Variants in KCTD13 observed in about 807,000 individuals in gnomAD.
KCTD13 encodes the protein potassium channel tetramerization domain containing 13, also known as BTB/POZ domain-containing adapter for CUL3-mediated RhoA degradation protein 1.
A neutral mutation model predicts 32.3 loss-of-function variants in KCTD13; 15 were observed. That is an observed-to-expected ratio of 0.46 (90% CI 0.31 to 0.71). The LOEUF (loss-of-function observed/expected upper bound fraction) is 0.71. Ranked by LOEUF, KCTD13 falls within the 30% of genes least tolerant of loss-of-function variation. KCTD13 has a pLI of 0.05. For missense variants in KCTD13, 337 were observed against 452.6 expected, an observed-to-expected ratio of 0.74 and a Z score of 2.32; for synonymous variants, 189 against 200.1, an observed-to-expected ratio of 0.94 and a Z score of 0.47.
At chr16:29,923,443 G>C in intron 1 of KCTD13, 84 bp from the exon 2 acceptor site, 4 of 1,197,872 alleles carry the variant, frequency 3.3e-6, no homozygotes, top group South Asian at 3.0e-5. Flanking sequence ...TTTTTGTAGA[G>C]ATGGAGTCTC....
At chr16:29,920,978 G>T (rs1047921420) in intron 2 of KCTD13, 5 of 152,144 alleles carry the variant, frequency 3.3e-5, no homozygotes, top group African/African-American at 1.2e-4. Context: ...GAACTGGAAG[G>T]CAATCTAGGT....
chr16:29,907,133 C>T, intron 5 of KCTD13, 25 bp from the exon 6 acceptor site: 6 of 1,539,208 alleles, frequency 3.9e-6, no homozygotes, highest in Non-Finnish European at 5.4e-6. Flanking sequence ...CCGGCCCCAG[C>T]TCCTTCCTTC....
At chr16:29,918,544 C>A (rs932579863) in intron 2 of KCTD13, among the ~76,000 whole-genome samples, 1 of 152,184 alleles carries the variant, frequency 6.6e-6, no homozygotes, top group Admixed American at 6.5e-5. Flanking sequence ...AACCTTGACT[C>A]ACTGCAACCT....
In KCTD13 at chr16:29,923,238, G is replaced by A; in HGVS notation, c.366C>T (p.Arg122=). 6.2e-7 allele frequency: 1 copy of A among 1,614,214 alleles called. No homozygotes were observed. The highest frequency in any genetic ancestry group is 8.5e-7 in the Non-Finnish European group (1 of 1,180,044). The change falls in exon 2 of 6, where the codon CGC becomes CGT. Residue 122 remains arginine, a synonymous_variant. Transcript: ENST00000568000. ...CAATCAGGCCCTGCACCAGGTAGTA[G>A]CGTGCTTCGCCCAGCAGCTCCCCCA... is the stretch of plus-strand genomic sequence containing the variant. ...RELGELLGEA[R]YYLVQGLIED... is the part of the protein sequence containing the mutation.
In KCTD13 at chr16:29,912,034, G is replaced by C; in HGVS notation, c.430C>G (p.Leu144Val). 1 of 1,608,104 alleles carries C rather than the reference G, an allele frequency of 6.2e-7. No individual in the cohort carries two copies. ...QLALQQKRET[L>V]SPLCLIPMVT... Reference sequence around the variant, plus strand: ...ATGGGGATGAGGCACAGCGGGGACAGCGTCTCCCTTTTTTGCTGGGGAAGA... The same window carrying C: ...ATGGGGATGAGGCACAGCGGGGACACCGTCTCCCTTTTTTGCTGGGGAAGA... Residue 144 changes from leucine (L) to valine (V), a missense_variant, in exon 3 of 6, where the codon CTG becomes GTG. Physicochemically the swap from Leu to Val is conservative, Grantham distance 32. Around this residue, in one of 3 missense-constraint regions of KCTD13, gnomAD observed 252 missense variants for 340.2 expected, o/e 0.74. Transcript: ENST00000568000.
Position 29,911,881 on chromosome 16 carries a change from G to C in KCTD13, c.505-14C>G. 3.7e-6 allele frequency: 6 copies of C among 1,612,096 alleles called. No individual in the cohort carries two copies. Among genetic ancestry groups the C allele is most frequent in the Non-Finnish European group, 5.1e-6 (6 of 1,178,920 alleles). On this transcript the variant is annotated splice_polypyrimidine_tract_variant and intron_variant, in intron 3 of 5. Coordinates refer to ENST00000568000, the MANE Select transcript of KCTD13 (RefSeq NM_178863.5). ...CTTCACCACGGGCTGGCGGGGGAGA[G>C]AGGATGGACGAGAGGGGTGAGGCTG... is the stretch of plus-strand genomic sequence containing the variant.
intron 4 of KCTD13, 143 bp downstream of exon 4, chr16:29,911,671 AG>A (rs897219590): frequency 2.6e-6 from 2 of 766,914 alleles, no homozygotes; most frequent in Admixed American, 2.4e-5. Context: ...CTAGAGCGTC[AG>A]GGGTAAGAGG....
At chr16:29,925,506 G>C (rs1597034148) in intron 1 of KCTD13, 5 of 503,118 alleles carry the variant, frequency 9.9e-6, no homozygotes, top group South Asian at 8.2e-5. Flanking sequence ...AGGTGGTCAT[G>C]AGGATTATGA....
intron 5 of KCTD13, 128 bp downstream of exon 5, chr16:29,910,850 A>AC: frequency 6.4e-6 from 5 of 777,272 alleles, no homozygotes; most frequent in Non-Finnish European, 1.0e-5. Context: ...ACTGTTGTGC[A>AC]CCCCAGACCC....
intron 5 of KCTD13, among the ~76,000 whole-genome samples, chr16:29,908,154 A>G (rs1373829147): frequency 6.6e-6 from 1 of 152,134 alleles, no homozygotes; most frequent in East Asian, 1.9e-4. Flanking sequence ...GACAAGGCAC[A>G]CAGAGCAGAA....
intron 1 of KCTD13, chr16:29,925,579 T>G: frequency 3.4e-6 from 2 of 585,860 alleles, no homozygotes; most frequent in Non-Finnish European, 3.0e-6. Flanking sequence ...GTGTTGGTTA[T>G]TGCTGGGGGT....
intron 2 of KCTD13, among the ~76,000 whole-genome samples, chr16:29,919,347 G>T (rs2068867716): frequency 6.6e-6 from 1 of 152,120 alleles, no homozygotes. Context: ...TTTGGCTTAT[G>T]TAATAAAGTA....
At chr16:29,908,015 C>T (rs1323582291) in intron 5 of KCTD13, among the ~76,000 whole-genome samples, 6 of 150,948 alleles carry the variant, frequency 4.0e-5, no homozygotes, top group Non-Finnish European at 8.9e-5. Flanking sequence ...GAAAGAGATA[C>T]ATCAGGAAAA....
At position 29,926,000 on chromosome 16, in the gene KCTD13, C is replaced by G; in HGVS notation, c.34G>C (p.Ala12Pro). 6.3e-7 allele frequency: 1 copy of G among 1,582,044 alleles called. No individual in the cohort carries two copies. Among genetic ancestry groups the G allele is most frequent in the East Asian group, 2.3e-5 (1 of 43,752 alleles). ...TTGGGGGCTTCCAGGGACGGGGCCG[C>G]GGCGGCAGCCGGGCCCGAGGCCTCC... The part of the protein sequence containing the change: ...SAEASGPAAA[A>P]APSLEAPKPS... Residue 12 changes from alanine (A) to proline (P), a missense_variant, in exon 1 of 6, where the codon GCG becomes CCG. Around this residue, in one of 3 missense-constraint regions of KCTD13, gnomAD observed 64 missense variants for 59.6 expected, o/e 1.07. Transcript: ENST00000568000.
intron 2 of KCTD13, chr16:29,913,556 C>T (rs2068754597): frequency 6.6e-6 from 1 of 152,308 alleles, no homozygotes; most frequent in Admixed American, 6.5e-5. Flanking sequence ...AGGATCTCAG[C>T]AGTGGCTCGG....
chr16:29,910,853 C>G (rs1445371990), intron 5 of KCTD13, 125 bp downstream of exon 5: 6 of 824,130 alleles, frequency 7.3e-6, no homozygotes, highest in Non-Finnish European at 5.7e-6. Flanking sequence ...GTTGTGCACC[C>G]CAGACCCCAG....
intron 1 of KCTD13, among the ~76,000 whole-genome samples, chr16:29,924,089 G>C (rs917268970): frequency 6.6e-6 from 1 of 151,334 alleles, no homozygotes; most frequent in African/African-American, 2.4e-5. Flanking sequence ...CAGGAGAATT[G>C]CTTGAATCCG....
chr16:29,906,880 T>C lies in KCTD13; in HGVS notation c.982A>G (p.Lys328Glu). The C allele has an allele frequency of 6.2e-7, 1 of 1,613,912 alleles. No individual in the cohort carries two copies. Among genetic ancestry groups the C allele is most frequent in the Non-Finnish European group, 8.5e-7 (1 of 1,179,880 alleles). ...ERPHGQQIVF[K>E]D ...AGGGGGAGGGTCAGAGGTCAGTCCTTGAAGACAATTTGTTGGCCATGAGGA... is the reference window on the plus strand; with the variant it reads ...AGGGGGAGGGTCAGAGGTCAGTCCTCGAAGACAATTTGTTGGCCATGAGGA... The change falls in exon 6 of 6, where the codon AAG (lysine) becomes GAG (glutamate). Residue 328 changes from lysine to glutamate, a missense_variant. Around this residue, in one of 3 missense-constraint regions of KCTD13, gnomAD observed 252 missense variants for 340.2 expected, o/e 0.74. Coordinates refer to ENST00000568000, the MANE Select transcript of KCTD13 (RefSeq NM_178863.5).
At chr16:29,907,990 A>G (rs947280654) in intron 5 of KCTD13, among the ~76,000 whole-genome samples, 10 of 151,834 alleles carry the variant, frequency 6.6e-5, no homozygotes, top group African/African-American at 9.7e-5. Context: ...AAAAAAAAAA[A>G]AAGAGAGAGA....
Sources: gnomAD v4.1 joint callset for allele counts (sites outside exome capture counted in the v4.1 genomes callset) on GRCh38, gnomAD v4.1.1 for gene constraint, gnomAD v4.1.1 regional missense constraint, MANE v1.5 for transcripts, NCBI Gene and HGNC (gene_info 2026-07-23, HGNC 2026-07-21) for gene names.